The following LAMA1 variants were observed in gnomAD, a reference collection of about 807,000 sequenced individuals.
LAMA1 encodes the protein laminin subunit alpha-1.
A neutral mutation model predicts 348.7 loss-of-function variants in LAMA1; 219 were observed. The ratio of observed to expected loss-of-function variants is 0.63; its 90% CI spans 0.56 to 0.70. The LOEUF is 0.70. LAMA1 is among the 30% of genes least tolerant of loss of function. LAMA1 has a pLI of 0.00. For synonymous variants in LAMA1, 1,487 were observed against 1,491.0 expected, an observed-to-expected ratio of 1.00 and a Z score of 0.06; for missense variants, 3,744 against 3,888.0, an observed-to-expected ratio of 0.96 and a Z score of 0.99.
intron 19 of LAMA1, among the ~76,000 whole-genome samples, chr18:7,018,399 CTT>C (rs901034443): frequency 8.6e-5 from 11 of 128,320 alleles, no homozygotes; most frequent in Middle Eastern, 3.5e-3. Flanking sequence ...TCCAGGTACT[CTT>C]TTTTTTTTTT....
At chr18:7,044,370 A>G (rs17522060) in intron 7 of LAMA1, among the ~76,000 whole-genome samples, 18,559 of 152,088 alleles carry the variant, frequency 0.12, 1,441 homozygotes, top group Admixed American at 0.17. Context: ...ACTTTTACAT[A>G]TTGTTAGATC....
chr18:6,976,323 T>C (rs570084758), intron 44 of LAMA1, among the ~76,000 whole-genome samples: 2 of 152,326 alleles, frequency 1.3e-5, no homozygotes, highest in African/African-American at 4.8e-5. Flanking sequence ...TAGGAAACTG[T>C]CTTGCTCATA....
chr18:6,996,155 C>T (rs780961960), intron 33 of LAMA1, among the ~76,000 whole-genome samples: 9 of 151,970 alleles, frequency 5.9e-5, no homozygotes, highest in African/African-American at 1.2e-4. Flanking sequence ...GGTAAAAGCT[C>T]TCATTTTTCA....
At chr18:7,058,003 C>G (rs1395276069) in intron 3 of LAMA1, among the ~76,000 whole-genome samples, 1 of 151,166 alleles carries the variant, frequency 6.6e-6, no homozygotes, top group African/African-American at 2.4e-5. Context: ...AGGGTTTCAC[C>G]AACTTGGCTA....
chr18:6,948,414 T>A lies in LAMA1; in HGVS notation c.8699A>T (p.Tyr2900Phe). Reference sequence around the variant, plus strand: ...TTGCTAACACATACCAAGAGCTGCATATCCGCTTCCGTCAAAGTATGTTCC... The same window carrying A: ...TTGCTAACACATACCAAGAGCTGCAAATCCGCTTCCGTCAAAGTATGTTCC... ...QEGTYFDGSG[Y>F]AALVKEGYKV... Residue 2900 changes from tyrosine to phenylalanine, a missense_variant, in exon 60 of 63, where the codon TAT (tyrosine) becomes TTT (phenylalanine). Transcript: ENST00000389658. 1 of 1,614,240 alleles carries A rather than the reference T, an allele frequency of 6.2e-7. No homozygotes were observed. Among genetic ancestry groups the A allele is most frequent in the South Asian group, 1.1e-5 (1 of 91,086 alleles).
chr18:6,942,689 T>C (rs374451016), intron 62 of LAMA1, among the ~76,000 whole-genome samples: 57 of 152,168 alleles, frequency 3.7e-4, no homozygotes, highest in African/African-American at 1.3e-3. Flanking sequence ...GCCGGGATTA[T>C]AGGTGTAAGC....
chr18:7,111,136 G>A (rs763187095), intron 1 of LAMA1, among the ~76,000 whole-genome samples: 3 of 152,092 alleles, frequency 2.0e-5, no homozygotes, highest in Non-Finnish European at 4.4e-5. Context: ...AAGAATGTCA[G>A]TCATACTGCC....
intron 3 of LAMA1, among the ~76,000 whole-genome samples, chr18:7,078,458 A>T (rs927951549): frequency 6.6e-6 from 1 of 151,598 alleles, no homozygotes; most frequent in Non-Finnish European, 1.5e-5. Context: ...GAGCCACCGC[A>T]CCTGGCTCTT....
chr18:7,097,908 G>C (rs142308471), intron 1 of LAMA1, among the ~76,000 whole-genome samples: 37 of 150,640 alleles, frequency 2.5e-4, no homozygotes, highest in African/African-American at 8.8e-4. Context: ...CTCTCATGCT[G>C]AGCCGAAGCT....
chr18:7,051,639 C>T (rs1039695958), intron 3 of LAMA1, among the ~76,000 whole-genome samples: 1 of 152,058 alleles, frequency 6.6e-6, no homozygotes, highest in East Asian at 1.9e-4. Flanking sequence ...TTGAAAGATA[C>T]TAGTGTTATG....
At position 6,977,880 on chromosome 18, in the gene LAMA1, A is replaced by G; in HGVS notation, c.6192T>C (p.Thr2064=). ...HQLLQDSTMA[T]LLAGRKVKDV... ...CTTTGACTTTTCTTCCAGCCAACAG[A>G]GCTAACAAATACAAGAAGGCAAGGG... The change falls in exon 44 of 63, where the codon ACT becomes ACC. Residue 2064 remains threonine, a splice_region_variant and synonymous_variant. Transcript: ENST00000389658. 2 of 1,611,550 alleles carry G rather than the reference A, an allele frequency of 1.2e-6. No individual in the cohort carries two copies. Among genetic ancestry groups the G allele is most frequent in the Non-Finnish European group, 1.7e-6 (2 of 1,179,996 alleles).
intron 3 of LAMA1, among the ~76,000 whole-genome samples, chr18:7,061,303 C>T (rs1402384436): frequency 6.6e-6 from 1 of 152,170 alleles, no homozygotes; most frequent in Non-Finnish European, 1.5e-5. Flanking sequence ...GGTGATTTTG[C>T]TAAATTTGTG....
intron 12 of LAMA1, among the ~76,000 whole-genome samples, chr18:7,037,130 G>T (rs1401541822): frequency 6.6e-6 from 1 of 152,152 alleles, no homozygotes; most frequent in Non-Finnish European, 1.5e-5. Flanking sequence ...GCCTGCCACG[G>T]TACTCAAAGT....
chr18:7,083,005 G>A (rs59515558), intron 1 of LAMA1, among the ~76,000 whole-genome samples: 7,049 of 152,034 alleles, frequency 0.046, 503 homozygotes, highest in African/African-American at 0.16. Flanking sequence ...AGGGAGTCAT[G>A]GAGGCACCAC....
intron 1 of LAMA1, among the ~76,000 whole-genome samples, chr18:7,086,235 T>C (rs185987796): frequency 3.3e-4 from 50 of 152,274 alleles, no homozygotes; most frequent in South Asian, 1.2e-3. Context: ...CTCACCGATG[T>C]GGATAAACAT....
intron 3 of LAMA1, among the ~76,000 whole-genome samples, chr18:7,071,816 TAA>T (rs1272858319): frequency 6.6e-6 from 1 of 152,186 alleles, no homozygotes; most frequent in Non-Finnish European, 1.5e-5. Flanking sequence ...TTAAACTCTC[TAA>T]GTCTCAGTTT....
intron 16 of LAMA1, among the ~76,000 whole-genome samples, chr18:7,031,356 C>T (rs2144159242): frequency 6.6e-6 from 1 of 152,252 alleles, no homozygotes; most frequent in South Asian, 2.1e-4. Context: ...CCCACACCTG[C>T]CCCAAAGTTC....
intron 3 of LAMA1, among the ~76,000 whole-genome samples, chr18:7,069,635 G>A (rs1051190660): frequency 6.6e-6 from 1 of 152,142 alleles, no homozygotes; most frequent in Non-Finnish European, 1.5e-5. Flanking sequence ...GCCCCAAGCT[G>A]CCCTATAAGC....
At chr18:7,115,664 T>C (rs1245148166) in intron 1 of LAMA1, among the ~76,000 whole-genome samples, 2 of 149,536 alleles carry the variant, frequency 1.3e-5, no homozygotes, top group African/African-American at 4.9e-5. Context: ...CACAAAATCG[T>C]TTCTTAAAAA....
Sources: allele counts gnomAD v4.1 joint callset (sites outside exome capture counted in the v4.1 genomes callset), GRCh38; gene constraint gnomAD v4.1.1; transcripts MANE v1.5; gene names NCBI Gene and HGNC (gene_info 2026-07-23, HGNC 2026-07-21).